Variants in CARMIL1 observed in about 807,000 individuals in gnomAD.
CARMIL1 encodes the protein F-actin-uncapping protein LRRC16A.
In CARMIL1, 90 loss-of-function variants were observed where a neutral mutation model predicts 177.1. The observed-to-expected ratio is 0.51, with a 90% confidence interval of 0.43 to 0.61. The LOEUF (loss-of-function observed/expected upper bound fraction) is 0.61, where lower values mean the gene tolerates loss of function less well. Among genes scored for constraint, CARMIL1 ranks in the 20% least tolerant of loss-of-function variants. The pLI, the probability that CARMIL1 is intolerant of heterozygous loss-of-function variation, is 0.00. For missense variants in CARMIL1, 1,380 were observed against 1,667.0 expected (o/e 0.83, Z 3.00); for synonymous variants, 577 against 606.2 (o/e 0.95, Z 0.71).
chr6:25,610,615 C>T lies in CARMIL1; in HGVS notation c.3979+434C>T, dbSNP rs377434346. Among the ~76,000 whole-genome samples the T allele has an allele frequency of 9.8e-5, 15 of 152,310 alleles. No individual in the cohort carries two copies. In the East Asian group the frequency reaches 2.9e-3, roughly 29 times the overall value. On this transcript the variant is annotated intron_variant, in intron 36 of 36. Transcript: ENST00000329474. ...AGCAGCACCCCCGGGCCTGAGCCAC[C>T]TTGCAGCTCACTGTGCTCGCTCAGT...
intron 29 of CARMIL1, among the ~76,000 whole-genome samples, chr6:25,572,363 G>A (rs1380800729): frequency 6.6e-6 from 1 of 152,144 alleles, no homozygotes; most frequent in Non-Finnish European, 1.5e-5. Flanking sequence ...GAGAAAAAGG[G>A]TGGGTGTATG....
intron 2 of CARMIL1, among the ~76,000 whole-genome samples, chr6:25,367,147 A>C (rs577919437): frequency 6.6e-6 from 1 of 152,178 alleles, no homozygotes; most frequent in Non-Finnish European, 1.5e-5. Flanking sequence ...CTTGTGCTGC[A>C]GTTTTGATGT....
At chr6:25,462,205 G>T (rs1293941624) in intron 8 of CARMIL1, among the ~76,000 whole-genome samples, 1 of 151,586 alleles carries the variant, frequency 6.6e-6, no homozygotes, top group Non-Finnish European at 1.5e-5. Context: ...TTTTATTTTT[G>T]TATTTTGCTT....
At chr6:25,486,274 T>C (rs2058861414) in intron 12 of CARMIL1, among the ~76,000 whole-genome samples, 1 of 152,072 alleles carries the variant, frequency 6.6e-6, no homozygotes. Flanking sequence ...CATGTGAGCA[T>C]GGGATTAGGG....
chr6:25,467,969 T>G (rs1000186716), intron 9 of CARMIL1, among the ~76,000 whole-genome samples: 2 of 152,136 alleles, frequency 1.3e-5, no homozygotes, highest in Non-Finnish European at 2.9e-5. Flanking sequence ...AACATTGGGT[T>G]TATTCAAAGA....
intron 9 of CARMIL1, among the ~76,000 whole-genome samples, chr6:25,468,710 T>C (rs1800846001): frequency 6.6e-6 from 1 of 152,218 alleles, no homozygotes; most frequent in African/African-American, 2.4e-5. Context: ...TACTTGGCAC[T>C]CAATAAAAAT....
At chr6:25,398,275 T>C (rs1793598014) in intron 2 of CARMIL1, among the ~76,000 whole-genome samples, 1 of 152,190 alleles carries the variant, frequency 6.6e-6, no homozygotes, top group Admixed American at 6.5e-5. Context: ...CATTTGTTTG[T>C]ATTCAGAATT....
chr6:25,499,519 TCTC>T (rs1804097746), intron 16 of CARMIL1, among the ~76,000 whole-genome samples: 2 of 152,178 alleles, frequency 1.3e-5, no homozygotes, highest in Non-Finnish European at 2.9e-5. Context: ...ATTAGTCTAA[TCTC>T]CTCAATTTGC....
chr6:25,470,559 A>G (rs1166445181), intron 9 of CARMIL1, among the ~76,000 whole-genome samples: 2 of 152,280 alleles, frequency 1.3e-5, no homozygotes, highest in East Asian at 1.9e-4. Context: ...ATAATTGTAT[A>G]TTTTTATCAT....
chr6:25,551,231 G>A (rs1810075006), intron 27 of CARMIL1, 146 bp downstream of exon 27: 2 of 614,546 alleles, frequency 3.3e-6, no homozygotes, highest in Admixed American at 3.1e-5. Context: ...AAATATAACT[G>A]TGCATAAATG....
chr6:25,375,988 C>T (rs2150459001), intron 2 of CARMIL1, among the ~76,000 whole-genome samples: 1 of 152,276 alleles, frequency 6.6e-6, no homozygotes, highest in Non-Finnish European at 1.5e-5. Context: ...TCTGGTATTT[C>T]AAAGATTTCA....
At chr6:25,340,757 G>GGA (rs1365581338) in intron 2 of CARMIL1, among the ~76,000 whole-genome samples, 2 of 143,010 alleles carry the variant, frequency 1.4e-5, no homozygotes, top group East Asian at 4.2e-4. Context: ...AAGGAAAGCT[G>GGA]GAGAAGGCTG....
At chr6:25,523,098 C>A (rs1049450557) in intron 23 of CARMIL1, among the ~76,000 whole-genome samples, 1 of 152,082 alleles carries the variant, frequency 6.6e-6, no homozygotes, top group Non-Finnish European at 1.5e-5. Context: ...CATGCCTGGT[C>A]GCTTGAATGC....
chr6:25,325,064 T>C (rs1174444150), intron 2 of CARMIL1, among the ~76,000 whole-genome samples: 2 of 152,196 alleles, frequency 1.3e-5, no homozygotes, highest in African/African-American at 2.4e-5. Context: ...ACATTAGTTC[T>C]AGTGTGATGA....
chr6:25,508,550 A>T (rs906381510), intron 17 of CARMIL1, among the ~76,000 whole-genome samples: 1 of 152,226 alleles, frequency 6.6e-6, no homozygotes, highest in Non-Finnish European at 1.5e-5. Flanking sequence ...GGAATGGCTG[A>T]ATGTAAATAT....
intron 21 of CARMIL1, among the ~76,000 whole-genome samples, chr6:25,516,975 G>A (rs575621962): frequency 1.8e-4 from 27 of 152,264 alleles, no homozygotes; most frequent in African/African-American, 6.3e-4. Context: ...GAACTGGTTA[G>A]CATCTTTTGT....
intron 2 of CARMIL1, among the ~76,000 whole-genome samples, chr6:25,363,976 C>G (rs1298956664): frequency 1.3e-5 from 2 of 152,092 alleles, no homozygotes; most frequent in Non-Finnish European, 2.9e-5. Flanking sequence ...GGGTCTCGCT[C>G]TGTTGCCCAG....
intron 35 of CARMIL1, among the ~76,000 whole-genome samples, chr6:25,606,850 C>T (rs1463436979): frequency 6.6e-6 from 1 of 152,156 alleles, no homozygotes; most frequent in Admixed American, 6.5e-5. Flanking sequence ...ATACTTGCAA[C>T]AGGGCCATAT....
At chr6:25,457,900 G>A (rs1799684338) in intron 8 of CARMIL1, among the ~76,000 whole-genome samples, 1 of 152,172 alleles carries the variant, frequency 6.6e-6, no homozygotes, top group South Asian at 2.1e-4. Context: ...TGTAGGGCTT[G>A]CTAGATGTCC....
Sources: allele counts gnomAD v4.1 joint callset (sites outside exome capture counted in the v4.1 genomes callset), GRCh38; gene constraint gnomAD v4.1.1; transcripts MANE v1.5; gene names NCBI Gene and HGNC (gene_info 2026-07-23, HGNC 2026-07-21).